Variants in HDAC4 observed in about 807,000 individuals in gnomAD.
HDAC4 encodes histone deacetylase 4.
A neutral mutation model predicts 135.1 loss-of-function variants in HDAC4; 16 were observed. The observed-to-expected ratio is 0.12, with a 90% CI of 0.08 to 0.18. The LOEUF (loss-of-function observed/expected upper bound fraction) is 0.18, where lower values mean the gene tolerates loss of function less well. Ranked by LOEUF, HDAC4 falls within the 10% of genes least tolerant of loss-of-function variation. The pLI, the probability that HDAC4 is intolerant of heterozygous loss-of-function variation, is 1.00. For synonymous variants in HDAC4, 685 were observed against 653.4 expected, an observed-to-expected ratio of 1.05 and a Z score of -0.74; for missense variants, 1,143 against 1,511.8, an observed-to-expected ratio of 0.76 and a Z score of 4.05.
chr2:239,326,502 G>C (rs1023549138), intron 2 of HDAC4, among the ~76,000 whole-genome samples: 11 of 152,132 alleles, frequency 7.2e-5, no homozygotes, highest in Non-Finnish European at 2.9e-5. Context: ...AAAATGCTTA[G>C]AATTATAAAT....
chr2:239,236,022 A>G (rs1424473813), intron 3 of HDAC4, among the ~76,000 whole-genome samples: 1 of 152,262 alleles, frequency 6.6e-6, no homozygotes, highest in East Asian at 1.9e-4. Flanking sequence ...CCTGGGCGAC[A>G]GAGTGAGATT....
At position 239,309,080 on chromosome 2, in the gene HDAC4, G is replaced by A. The variant is rs2125694793; in HGVS notation, c.22+43598C>T. On this transcript the variant is annotated intron_variant, in intron 2 of 26. Coordinates refer to ENST00000543185, the MANE Select transcript of HDAC4 (RefSeq NM_001378414.1). The surrounding 1 kb of genome is among the most constrained non-coding windows in gnomAD (Gnocchi z 4.2). ...AAAGAGTTAATCGTACTGACTTGGT[G>A]CTTTACCTTCAGCCCAGACTTTCGC... 6.6e-6 allele frequency: 1 copy of A among 152,270 alleles called. No individual in the cohort carries two copies. The highest frequency in any genetic ancestry group is 2.1e-4 in the South Asian group (1 of 4,822). The allele number at this position is 152,270 out of a possible 1,614,324, so 9.4% of individuals were successfully genotyped here. A position where few individuals can be genotyped will look rare whatever the true frequency, so the allele number is the denominator to read the frequency against.
At chr2:239,195,887 T>G (rs1333392627) in intron 3 of HDAC4, among the ~76,000 whole-genome samples, 2 of 152,118 alleles carry the variant, frequency 1.3e-5, no homozygotes, top group African/African-American at 4.8e-5. Context: ...AACCTGTTAG[T>G]CTCTCTCTCT....
intron 24 of HDAC4, among the ~76,000 whole-genome samples, chr2:239,060,820 C>T (rs2032583961): frequency 6.6e-6 from 1 of 152,268 alleles, no homozygotes; most frequent in Non-Finnish European, 1.5e-5. Flanking sequence ...CCTGCCCCGG[C>T]CCGGGCCCGT....
At chr2:239,264,822 G>A (rs7587786) in intron 2 of HDAC4, among the ~76,000 whole-genome samples, 28,078 of 152,226 alleles carry the variant, frequency 0.18, 3,155 homozygotes, top group East Asian at 0.42. Flanking sequence ...CTGCTGCCCC[G>A]TCGGAGGGTC....
chr2:239,058,610 AG>A (rs1192807461), intron 24 of HDAC4, among the ~76,000 whole-genome samples: 6 of 152,244 alleles, frequency 3.9e-5, no homozygotes. Flanking sequence ...AAAAGATGTA[AG>A]GGAAAGGCCA....
rs147548620 is a variant in HDAC4 at position 239,183,435 on chromosome 2, C to T, written c.339+6398G>A. ...CAGGAGGAAAGGGCGGCAGAATGGA[C>T]GCCACGGACGGTAAGCTGCCGCCCA... On this transcript the variant is annotated intron_variant, in intron 4 of 26. Coordinates refer to ENST00000543185, the MANE Select transcript of HDAC4 (RefSeq NM_001378414.1). Among the ~76,000 whole-genome samples the T allele has an allele frequency of 9.9e-4, 151 of 152,352 alleles. 1 individual carries two copies. The East Asian group carries it at 0.024, about 25-fold the overall frequency.
At chr2:239,288,397 C>T (rs1559331144) in intron 2 of HDAC4, among the ~76,000 whole-genome samples, 1 of 152,128 alleles carries the variant, frequency 6.6e-6, no homozygotes. Flanking sequence ...TCAAGGACGA[C>T]AGAAGGAAGT....
In HDAC4 at chr2:239,049,683, A is replaced by G. The variant is rs2030526959; in HGVS notation, c.*3414T>C. 6.6e-6 allele frequency: 1 copy of G among 152,382 alleles called. No individual in the cohort carries two copies. The highest frequency in any genetic ancestry group is 1.5e-5 in the Non-Finnish European group (1 of 68,024). 9.4% of individuals were successfully genotyped at this position (152,382 alleles called of 1,614,324 possible). A position where few individuals can be genotyped will look rare whatever the true frequency, so the allele number is the denominator to read the frequency against. ...TACGAAATGGTCCTTCCCCTTGCAA[A>G]CAGATTTTCAAAAGAAGTAAAGAAA... On this transcript the variant is annotated 3_prime_UTR_variant, in exon 27 of 27. Transcript: ENST00000543185.
chr2:239,220,131 A>G (rs1323962750), intron 3 of HDAC4, among the ~76,000 whole-genome samples: 2 of 152,248 alleles, frequency 1.3e-5, no homozygotes, highest in African/African-American at 4.8e-5. Context: ...AGTGTAGACT[A>G]AACACTGGAA....
chr2:239,054,993 C>A (rs577869517), intron 24 of HDAC4, among the ~76,000 whole-genome samples, 160 bp from the exon 25 acceptor site: 1 of 122,824 alleles, frequency 8.1e-6, no homozygotes, highest in Non-Finnish European at 1.8e-5. Context: ...CCAAATGTGC[C>A]GTGGTATTTA....
intron 21 of HDAC4, 57 bp from the exon 22 acceptor site, chr2:239,081,249 A>G: frequency 6.9e-7 from 1 of 1,448,920 alleles, no homozygotes; most frequent in Non-Finnish European, 9.5e-7. Flanking sequence ...CCTGTCTGAC[A>G]GGAACGCCTG....
rs901286116 is a variant in HDAC4, at chr2:239,331,134, G to A, written c.22+21544C>T. ...GTGAAGCTCTCAGCCTGCCCAGGAG[G>A]AAGCGGGGCTGATGGGCCATCGGAG... On this transcript the variant is annotated intron_variant, in intron 2 of 26. Coordinates refer to ENST00000543185, the MANE Select transcript of HDAC4 (RefSeq NM_001378414.1). The surrounding 1 kb of genome is among the most constrained non-coding windows in gnomAD (Gnocchi z 4.5). Among the ~76,000 whole-genome samples, 1 of 152,256 alleles carries A rather than the reference G, an allele frequency of 6.6e-6. No homozygotes were observed. Among genetic ancestry groups the A allele is most frequent in the Non-Finnish European group, 1.5e-5 (1 of 68,046 alleles).
At chr2:239,318,609 G>C (rs985463497) in intron 2 of HDAC4, among the ~76,000 whole-genome samples, 1 of 151,110 alleles carries the variant, frequency 6.6e-6, no homozygotes, top group Non-Finnish European at 1.5e-5. Flanking sequence ...GAGTGACCAC[G>C]CTTATCTGAG....
chr2:239,071,436 C>A (rs750605122), intron 22 of HDAC4, among the ~76,000 whole-genome samples: 3 of 152,068 alleles, frequency 2.0e-5, no homozygotes, highest in Non-Finnish European at 4.4e-5. Context: ...AAAAGACTCT[C>A]GGGGGAAACT....
At chr2:239,157,210 G>A (rs942267500) in intron 6 of HDAC4, among the ~76,000 whole-genome samples, 3 of 152,168 alleles carry the variant, frequency 2.0e-5, no homozygotes, top group African/African-American at 7.2e-5. Flanking sequence ...AGCTGAGACG[G>A]GGCAAAAAAC....
In HDAC4 at chr2:239,349,639, A is replaced by G. The variant is rs1361181083; in HGVS notation, c.22+3039T>C. Among the ~76,000 whole-genome samples the G allele has an allele frequency of 6.6e-6, 1 of 152,226 alleles. No homozygotes were observed. The highest frequency in any genetic ancestry group is 1.5e-5 in the Non-Finnish European group (1 of 68,028). ...CCCATCCCCCGCCTGAGACGTGGGC[A>G]GAGGCCGCTGGGCCACCAGCCAGTG... On this transcript the variant is annotated intron_variant, in intron 2 of 26. Coordinates refer to ENST00000543185, the MANE Select transcript of HDAC4 (RefSeq NM_001378414.1). This position sits in a 1 kb window ranked among gnomAD's most constrained non-coding sequence, Gnocchi z 5.7.
chr2:239,201,824 CT>C (rs980188825), intron 3 of HDAC4, among the ~76,000 whole-genome samples: 6 of 152,188 alleles, frequency 3.9e-5, no homozygotes, highest in African/African-American at 1.4e-4. Flanking sequence ...ACTCCACTGT[CT>C]TTTTGTTTTT....
At position 239,349,733 on chromosome 2, in the gene HDAC4, G is replaced by T. The variant is rs1215407214; in HGVS notation, c.22+2945C>A. Among the ~76,000 whole-genome samples, 1 of 152,268 alleles carries T rather than the reference G, an allele frequency of 6.6e-6. No individual in the cohort carries two copies. Among genetic ancestry groups the T allele is most frequent in the Non-Finnish European group, 1.5e-5 (1 of 68,050 alleles). The stretch of plus-strand genomic sequence containing the variant: ...CCTCCCAAGGGACCTCCGGGCGGAA[G>T]GGCAGACACGGCAGGGAAAGATGAC... On this transcript the variant is annotated intron_variant, in intron 2 of 26. Coordinates refer to ENST00000543185, the MANE Select transcript of HDAC4 (RefSeq NM_001378414.1). This position sits in a 1 kb window ranked among gnomAD's most constrained non-coding sequence, Gnocchi z 5.7.
Sources: allele counts gnomAD v4.1 joint callset (sites outside exome capture counted in the v4.1 genomes callset), GRCh38; gene constraint gnomAD v4.1.1; non-coding constraint Gnocchi (gnomAD v3.1); transcripts MANE v1.5; gene names NCBI Gene and HGNC (gene_info 2026-07-23, HGNC 2026-07-21).